WNT2B: variants seen among roughly 807,000 people sequenced by gnomAD.
The protein encoded by WNT2B is Wnt family member 2B.
Under a neutral mutation model 40.5 loss-of-function variants are expected in WNT2B, and 19 were observed. The ratio of observed to expected loss-of-function variants is 0.47; its 90% CI spans 0.33 to 0.69. The LOEUF is 0.69. Among genes scored for constraint, WNT2B ranks in the 30% least tolerant of loss-of-function variants. The pLI, the probability that WNT2B is intolerant of heterozygous loss-of-function variation, is 0.02. For synonymous variants in WNT2B, 220 were observed against 211.9 expected (o/e 1.04, Z -0.33); for missense variants, 467 against 556.4 (o/e 0.84, Z 1.62).
At position 112,509,483 on chromosome 1, in the gene WNT2B, G is replaced by C; in HGVS notation, c.182+39G>C. On this transcript the variant is annotated intron_variant, in intron 1 of 4. Transcript: ENST00000369684. This position sits in a 1 kb window ranked among gnomAD's most constrained non-coding sequence, Gnocchi z 4.2. ...TCAGGCTGGGCGGGTGAGGCGCTTGGTAGGAGAGGCCGGAGGCGCCTGGAG... is the reference window on the plus strand; with the variant it reads ...TCAGGCTGGGCGGGTGAGGCGCTTGCTAGGAGAGGCCGGAGGCGCCTGGAG... 1 of 1,532,192 alleles carries C rather than the reference G, an allele frequency of 6.5e-7. No individual in the cohort carries two copies. Among genetic ancestry groups the C allele is most frequent in the Non-Finnish European group, 8.6e-7 (1 of 1,156,722 alleles). The allele number at this position is 1,532,192 out of a possible 1,614,324, so 94.9% of individuals were successfully genotyped here.
chr1:112,495,404 C>T (rs751925815), intron 1 of WNT2B, among the ~76,000 whole-genome samples: 10 of 151,822 alleles, frequency 6.6e-5, no homozygotes, highest in Non-Finnish European at 1.2e-4. Context: ...GTGAAACCCC[C>T]GTCTCTACTA....
upstream of WNT2B, among the ~76,000 whole-genome samples, chr1:112,505,355 G>A (rs1345373438): frequency 2.0e-5 from 3 of 152,210 alleles, no homozygotes; most frequent in Non-Finnish European, 1.5e-5. Context: ...AAATGCCTTG[G>A]GAGTAATGCC....
intron 4 of WNT2B, chr1:112,518,262 G>A (rs567225294): frequency 6.6e-6 from 1 of 152,344 alleles, no homozygotes; most frequent in African/African-American, 2.4e-5. Flanking sequence ...GGTTAAACTA[G>A]GAACATGCAA....
At chr1:112,468,490 TTCTAACTGGGGTAAGACGATA>T (rs1331179297) in intron 1 of WNT2B, among the ~76,000 whole-genome samples, 2 of 152,182 alleles carry the variant, frequency 1.3e-5, no homozygotes, top group African/African-American at 4.8e-5. Context: ...ATAATAGCCA[TTCTAACTGGGGTAAGACGATA>T]TCTCATTTTG....
chr1:112,513,285 C>A (rs555199613), intron 1 of WNT2B, among the ~76,000 whole-genome samples: 6 of 152,194 alleles, frequency 3.9e-5, no homozygotes, highest in Non-Finnish European at 5.9e-5. Context: ...GTCAGGCAGC[C>A]TTTCCGGCCT....
At chr1:112,496,837 T>A (rs1262475713) in intron 1 of WNT2B, among the ~76,000 whole-genome samples, 1 of 152,102 alleles carries the variant, frequency 6.6e-6, no homozygotes, top group Admixed American at 6.6e-5. Flanking sequence ...CGACCTCCGG[T>A]GATCTGCCCG....
chr1:112,511,325 GA>G (rs1652341790), intron 1 of WNT2B, among the ~76,000 whole-genome samples: 2 of 152,180 alleles, frequency 1.3e-5, no homozygotes, highest in African/African-American at 4.8e-5. Flanking sequence ...GCCAGGTTGG[GA>G]AGTGGGTACA....
chr1:112,525,895 G>A lies in WNT2B; in HGVS notation c.*5386G>A, dbSNP rs1426465431. 2.9e-6 allele frequency: 4 copies of A among 1,371,274 alleles called. No individual in the cohort carries two copies. Among genetic ancestry groups the A allele is most frequent in the African/African-American group, 2.9e-5 (2 of 69,202 alleles). 84.9% of individuals were successfully genotyped at this position (1,371,274 alleles called of 1,614,324 possible). ...TAAGAAGCTTTTTCATATGCAAAAT[G>A]CTTTAGCATATATGTAATCCTCACA... is the stretch of plus-strand genomic sequence containing the variant. On this transcript the variant is annotated 3_prime_UTR_variant, in exon 5 of 5. Coordinates refer to ENST00000369684, the MANE Select transcript of WNT2B (RefSeq NM_024494.3).
At chr1:112,500,886 T>C (rs576233619) in intron 1 of WNT2B, among the ~76,000 whole-genome samples, 1 of 152,360 alleles carries the variant, frequency 6.6e-6, no homozygotes, top group South Asian at 2.1e-4. Flanking sequence ...ACATCTTTCT[T>C]ACACTACAAA....
intron 1 of WNT2B, among the ~76,000 whole-genome samples, chr1:112,486,152 C>CACACACACACACACAT (rs1364972062): frequency 1.3e-5 from 2 of 151,644 alleles, no homozygotes; most frequent in African/African-American, 4.9e-5. Context: ...CACACACACA[C>CACACACACACACACAT]ACACACCAGG....
chr1:112,483,620 T>C (rs1157587371), intron 1 of WNT2B, among the ~76,000 whole-genome samples: 1 of 150,334 alleles, frequency 6.7e-6, no homozygotes, highest in African/African-American at 2.4e-5. Flanking sequence ...GAAGCAAAAA[T>C]AGACAAATGA....
chr1:112,482,690 A>G (rs1651264224), intron 1 of WNT2B, among the ~76,000 whole-genome samples: 1 of 152,204 alleles, frequency 6.6e-6, no homozygotes, highest in African/African-American at 2.4e-5. Flanking sequence ...TAAGGAAACA[A>G]TCCCATTCCC....
chr1:112,518,429 A>C (rs1345574002), intron 4 of WNT2B: 1 of 152,240 alleles, frequency 6.6e-6, no homozygotes, highest in Non-Finnish European at 1.5e-5. Context: ...GGAAGAGTCA[A>C]GTGGCTTGGA....
Position 112,520,601 on chromosome 1 carries a change from C to T in WNT2B, c.*92C>T. On this transcript the variant is annotated 3_prime_UTR_variant, in exon 5 of 5. Coordinates refer to ENST00000369684, the MANE Select transcript of WNT2B (RefSeq NM_024494.3). ...TGCACACCTTCCTCCACCCTCCACC[C>T]TGGGCTGCTACCGCTTCTATTTAAG... 1 of 1,305,130 alleles carries T rather than the reference C, an allele frequency of 7.7e-7. No individual in the cohort carries two copies. Among genetic ancestry groups the T allele is most frequent in the South Asian group, 1.3e-5 (1 of 75,202 alleles). 80.8% of individuals were successfully genotyped at this position (1,305,130 alleles called of 1,614,324 possible).
rs1369245728 is a variant in WNT2B, at chr1:112,524,547, AC to A, written c.*4039del. 6.6e-6 allele frequency: 1 copy of A among 152,638 alleles called. No homozygotes were observed. Among genetic ancestry groups the A allele is most frequent in the Admixed American group, 6.5e-5 (1 of 15,282 alleles). 9.5% of individuals were successfully genotyped at this position (152,638 alleles called of 1,614,324 possible). A position where few individuals can be genotyped will look rare whatever the true frequency, so the allele number is the denominator to read the frequency against. On this transcript the variant is annotated 3_prime_UTR_variant, in exon 5 of 5. Transcript: ENST00000369684. ...CGCCCCCTGGGTGCAGAAATGAAATACGGGAGAGCTTCACATTACACAGAGA... is the reference window on the plus strand; with the variant it reads ...CGCCCCCTGGGTGCAGAAATGAAATAGGGAGAGCTTCACATTACACAGAGA...
chr1:112,526,903 T>A lies in WNT2B; in HGVS notation c.*6394T>A, dbSNP rs1653530201. 2 of 152,086 alleles carry A rather than the reference T, an allele frequency of 1.3e-5. No homozygotes were observed. Among genetic ancestry groups the A allele is most frequent in the South Asian group, 4.1e-4 (2 of 4,824 alleles). The allele number at this position is 152,086 out of a possible 1,614,324, so 9.4% of individuals were successfully genotyped here. On this transcript the variant is annotated 3_prime_UTR_variant, in exon 5 of 5. Coordinates refer to ENST00000369684, the MANE Select transcript of WNT2B (RefSeq NM_024494.3). ...ATGCCTACCCGTGGCCTGGCAAAGG[T>A]CCTGGGATCTCAAGCTGATGCAAGC...
At position 112,501,496 on chromosome 1, in the gene WNT2B, C is replaced by A. The variant is rs1011887214; in HGVS notation, c.-94-13378C>A. ...TCTGTATAGGAAATTTGTCTCTTCT[C>A]CTCCATTTATTTATTCATTCAATCA... is the stretch of plus-strand genomic sequence containing the variant. On this transcript the variant is annotated intron_variant, in intron 1 of 4. Transcript: ENST00000256640. Among the ~76,000 whole-genome samples the A allele has an allele frequency of 7.9e-5, 12 of 152,272 alleles. No individual in the cohort carries two copies. The South Asian group carries it at 2.5e-3, about 32-fold the overall frequency.
chr1:112,491,010 G>T (rs745780586), intron 1 of WNT2B: 2 of 1,613,904 alleles, frequency 1.2e-6, no homozygotes, highest in Non-Finnish European at 1.7e-6. Context: ...TTTCCGACCA[G>T]ACTGAAGGAT....
At chr1:112,469,230 G>C (rs142145464) in intron 1 of WNT2B, among the ~76,000 whole-genome samples, 2 of 152,338 alleles carry the variant, frequency 1.3e-5, no homozygotes, top group Non-Finnish European at 2.9e-5. Context: ...TTTGAAGTGA[G>C]TCAAGAAGTG....
Sources: gnomAD v4.1 joint callset for allele counts (sites outside exome capture counted in the v4.1 genomes callset) on GRCh38, gnomAD v4.1.1 for gene constraint, Gnocchi (gnomAD v3.1) non-coding constraint, MANE v1.5 for transcripts, NCBI Gene and HGNC (gene_info 2026-07-23, HGNC 2026-07-21) for gene names.